The following LRFN5 variants were observed in gnomAD, a reference collection of about 807,000 sequenced individuals.
LRFN5 encodes leucine rich repeat and fibronectin type III domain containing 5.
A neutral mutation model predicts 45.6 loss-of-function variants in LRFN5; 24 were observed. The ratio of observed to expected loss-of-function variants is 0.53; its 90% CI spans 0.38 to 0.74. LRFN5 has a LOEUF of 0.74. LRFN5 is among the 30% of genes least tolerant of loss of function. The pLI, the probability that LRFN5 is intolerant of heterozygous loss-of-function variation, is 0.00. For missense variants in LRFN5, 776 were observed against 861.5 expected (o/e 0.90, Z 1.24); for synonymous variants, 340 against 313.8 (o/e 1.08, Z -0.88).
chr14:41,889,179 C>T (rs1027620896), intron 3 of LRFN5, among the ~76,000 whole-genome samples: 5 of 150,696 alleles, frequency 3.3e-5, no homozygotes, highest in Non-Finnish European at 7.4e-5. Flanking sequence ...CCTATGTACC[C>T]AGGTGAATTA....
intron 1 of LRFN5, among the ~76,000 whole-genome samples, chr14:41,688,457 A>C (rs1882218196): frequency 6.6e-6 from 1 of 152,002 alleles, no homozygotes; most frequent in African/African-American, 2.4e-5. Flanking sequence ...AAAAATTAAA[A>C]ATAAAAAATT....
intron 1 of LRFN5, among the ~76,000 whole-genome samples, chr14:41,735,009 A>G (rs111626862): frequency 6.6e-6 from 1 of 152,084 alleles, no homozygotes; most frequent in Admixed American, 6.6e-5. Flanking sequence ...TTTTGTAACT[A>G]TAGTTTTTAA....
intron 2 of LRFN5, among the ~76,000 whole-genome samples, chr14:41,768,465 C>T (rs1426621518): frequency 6.6e-6 from 1 of 152,002 alleles, no homozygotes; most frequent in African/African-American, 2.4e-5. Context: ...TTACCTGGTA[C>T]TGCTTTTGTA....
chr14:41,806,802 C>T (rs1257901052), intron 2 of LRFN5, among the ~76,000 whole-genome samples: 1 of 152,148 alleles, frequency 6.6e-6, no homozygotes, highest in African/African-American at 2.4e-5. Context: ...AAGAAGCACA[C>T]TGATCTCACT....
At chr14:41,740,204 T>G (rs1884631203) in intron 1 of LRFN5, among the ~76,000 whole-genome samples, 2 of 151,910 alleles carry the variant, frequency 1.3e-5, no homozygotes, top group Admixed American at 1.3e-4. Context: ...CAAGGCAAAC[T>G]TTACCCTAAT....
rs538904381 is a variant in LRFN5 at position 41,697,666 on chromosome 14, T to C, written c.-196-69188T>C. Among the ~76,000 whole-genome samples, 5 of 151,938 alleles carry C rather than the reference T, an allele frequency of 3.3e-5. No homozygotes were observed. In the South Asian group the frequency reaches 1.0e-3, roughly 31 times the overall value. ...TATAGCTTCACTGCTCTTTTTTTTT[T>C]TTTGATAGGAGAGTTTCTTGTTTCC... On this transcript the variant is annotated intron_variant, in intron 1 of 5. Coordinates refer to ENST00000298119, the MANE Select transcript of LRFN5 (RefSeq NM_152447.5).
intron 1 of LRFN5, among the ~76,000 whole-genome samples, chr14:41,685,122 A>T (rs988589648): frequency 1.3e-5 from 2 of 152,186 alleles, no homozygotes; most frequent in African/African-American, 4.8e-5. Flanking sequence ...GCAAGTTAAA[A>T]TGCTTTTTAT....
intron 1 of LRFN5, among the ~76,000 whole-genome samples, chr14:41,670,215 GTATA>G (rs1196322113): frequency 9.7e-5 from 11 of 113,396 alleles, no homozygotes; most frequent in African/African-American, 3.6e-4. Flanking sequence ...GTGTGTGTGT[GTATA>G]TATATGTATA....
intron 4 of LRFN5, among the ~76,000 whole-genome samples, chr14:41,897,894 T>C (rs1356638408): frequency 1.3e-5 from 2 of 152,102 alleles, no homozygotes; most frequent in Non-Finnish European, 2.9e-5. Flanking sequence ...ACCTGACACA[T>C]AGGCTATGTA....
intron 2 of LRFN5, among the ~76,000 whole-genome samples, chr14:41,870,473 C>G (rs996265187): frequency 2.0e-5 from 3 of 152,124 alleles, no homozygotes; most frequent in Non-Finnish European, 4.4e-5. Flanking sequence ...AAATGAGGAG[C>G]AAAGTCATGT....
At chr14:41,904,039 CCTT>C (rs1488368156) in intron 5 of LRFN5, 116 bp from the exon 6 acceptor site, 2 of 787,236 alleles carry the variant, frequency 2.5e-6, no homozygotes, top group Non-Finnish European at 4.1e-6. Context: ...AGCAACTCCT[CCTT>C]GGGTGCTTAC....
intron 1 of LRFN5, among the ~76,000 whole-genome samples, chr14:41,732,232 A>C (rs779199430): frequency 6.6e-5 from 10 of 152,140 alleles, no homozygotes; most frequent in African/African-American, 9.7e-5. Context: ...ATGACTCTCA[A>C]ATATCAGGAT....
chr14:41,763,503 G>A (rs1251956055), intron 1 of LRFN5, among the ~76,000 whole-genome samples: 1 of 152,028 alleles, frequency 6.6e-6, no homozygotes, highest in Non-Finnish European at 1.5e-5. Flanking sequence ...ATGTGGTTTG[G>A]CTTTGTCCTC....
At chr14:41,873,413 G>T (rs1566496480) in intron 2 of LRFN5, among the ~76,000 whole-genome samples, 1 of 90,236 alleles carries the variant, frequency 1.1e-5, no homozygotes, top group African/African-American at 4.2e-5. Flanking sequence ...GAAAGAGAGA[G>T]AGAGACAGAG....
chr14:41,833,162 G>A (rs576526543), intron 2 of LRFN5, among the ~76,000 whole-genome samples: 1 of 152,102 alleles, frequency 6.6e-6, no homozygotes, highest in Non-Finnish European at 1.5e-5. Flanking sequence ...ATCCTGATAA[G>A]CTCAATCACA....
chr14:41,819,582 A>G (rs943143749), intron 2 of LRFN5, among the ~76,000 whole-genome samples: 3 of 152,126 alleles, frequency 2.0e-5, no homozygotes, highest in Admixed American at 6.6e-5. Context: ...GCATGGCATC[A>G]TCTTCTGGGG....
intron 2 of LRFN5, among the ~76,000 whole-genome samples, chr14:41,801,769 T>G (rs994077740): frequency 1.9e-4 from 29 of 152,292 alleles, no homozygotes; most frequent in South Asian, 8.3e-4. Context: ...TAAATTGCTC[T>G]TCTGAGAATG....
intron 2 of LRFN5, among the ~76,000 whole-genome samples, chr14:41,830,831 G>A (rs1888452335): frequency 6.6e-6 from 1 of 152,296 alleles, no homozygotes; most frequent in East Asian, 1.9e-4. Flanking sequence ...ACTGGCCATG[G>A]AACAAGGGAA....
chr14:41,833,671 G>A (rs1192875248), intron 2 of LRFN5, among the ~76,000 whole-genome samples: 3 of 152,110 alleles, frequency 2.0e-5, no homozygotes, highest in South Asian at 4.1e-4. Context: ...CTCTGAACAG[G>A]ATGTGTGTAT....
Sources: gnomAD v4.1 joint callset for allele counts (sites outside exome capture counted in the v4.1 genomes callset) on GRCh38, gnomAD v4.1.1 for gene constraint, MANE v1.5 for transcripts, NCBI Gene and HGNC (gene_info 2026-07-23, HGNC 2026-07-21) for gene names.